MDGA2: variants seen among roughly 807,000 people sequenced by gnomAD.
The protein encoded by MDGA2 is MAM domain containing glycosylphosphatidylinositol anchor 2, also known as MAM domain-containing glycosylphosphatidylinositol anchor protein 2.
In MDGA2, 40 loss-of-function variants were observed where a neutral mutation model predicts 117.8. The observed-to-expected ratio is 0.34, with a 90% CI of 0.26 to 0.44. The LOEUF (loss-of-function observed/expected upper bound fraction) is 0.44. Among genes scored for constraint, MDGA2 ranks in the 20% least tolerant of loss-of-function variants. The probability of loss-of-function intolerance (pLI) is 1.00; values close to 1 mark genes in which losing one functional copy is unlikely to be tolerated. For missense variants in MDGA2, 1,123 were observed against 1,250.6 expected, an observed-to-expected ratio of 0.90 and a Z score of 1.54; for synonymous variants, 452 against 439.0, an observed-to-expected ratio of 1.03 and a Z score of -0.37.
At chr14:47,174,980 C>A (rs1397507509) in intron 3 of MDGA2, among the ~76,000 whole-genome samples, 1 of 151,996 alleles carries the variant, frequency 6.6e-6, no homozygotes, top group Non-Finnish European at 1.5e-5. Flanking sequence ...ACCACCAATC[C>A]CACAGAAATA....
At chr14:47,546,410 A>C (rs1895464160) in intron 1 of MDGA2, among the ~76,000 whole-genome samples, 1 of 152,188 alleles carries the variant, frequency 6.6e-6, no homozygotes, top group Admixed American at 6.5e-5. Flanking sequence ...AATGTGGACT[A>C]ATTTTGTGTA....
intron 14 of MDGA2, among the ~76,000 whole-genome samples, chr14:46,864,543 CTGTTTTTTTT>C (rs869298174): frequency 2.3e-4 from 4 of 17,210 alleles, no homozygotes; most frequent in African/African-American, 3.8e-4. Context: ...GCAGATATTG[CTGTTTTTTTT>C]TTTTTTTTTT....
At chr14:47,608,217 G>A (rs1272248223) in intron 1 of MDGA2, among the ~76,000 whole-genome samples, 1 of 152,068 alleles carries the variant, frequency 6.6e-6, no homozygotes, top group Non-Finnish European at 1.5e-5. Flanking sequence ...ACTGGCTTAG[G>A]AATAAGCACA....
Position 47,595,554 on chromosome 14 carries a change from A to C in MDGA2, c.280+78963T>G, listed in dbSNP as rs867150130. On this transcript the variant is annotated intron_variant, in intron 1 of 16. Coordinates refer to ENST00000399232, the MANE Select transcript of MDGA2 (RefSeq NM_001113498.3). ...TCTAAAAAAACCAAAAAACAAAAAA[A>C]AACAAAAAAAAAAAAAACCCAGCAA... is the stretch of plus-strand genomic sequence containing the variant. Among the ~76,000 whole-genome samples the C allele has an allele frequency of 8.6e-3, 1,137 of 132,908 alleles. 12 individuals are homozygous for C. The highest frequency in any genetic ancestry group is 0.012 in the Non-Finnish European group (759 of 62,396). The allele number at this position is 132,908 out of a possible 152,430, so 87.2% of individuals were successfully genotyped here.
intron 2 of MDGA2, among the ~76,000 whole-genome samples, chr14:47,279,297 A>G (rs1888401566): frequency 6.6e-6 from 1 of 151,984 alleles, no homozygotes; most frequent in Middle Eastern, 3.2e-3. Context: ...TCTATTTTCC[A>G]TTTTTATCAG....
At chr14:46,856,577 G>T (rs12890460) in intron 14 of MDGA2, among the ~76,000 whole-genome samples, 7,379 of 152,024 alleles carry the variant, frequency 0.049, 246 homozygotes, top group Non-Finnish European at 0.073. Context: ...TGTGTGTTTG[G>T]TGAGTTTCCC....
chr14:47,293,512 C>T (rs1381467064), intron 2 of MDGA2, among the ~76,000 whole-genome samples: 1 of 152,140 alleles, frequency 6.6e-6, no homozygotes, highest in Non-Finnish European at 1.5e-5. Context: ...ACTCCACCTA[C>T]TTTGTTGAGT....
chr14:47,644,755 A>G (rs1897493606), intron 1 of MDGA2, among the ~76,000 whole-genome samples: 1 of 152,160 alleles, frequency 6.6e-6, no homozygotes, highest in Admixed American at 6.5e-5. Flanking sequence ...GAGATGACGG[A>G]CATGCTAAAT....
intron 3 of MDGA2, among the ~76,000 whole-genome samples, chr14:47,196,653 A>T (rs1029865418): frequency 1.3e-5 from 2 of 152,172 alleles, no homozygotes; most frequent in Non-Finnish European, 2.9e-5. Context: ...TTCATGTATC[A>T]TCATTTACAA....
intron 8 of MDGA2, among the ~76,000 whole-genome samples, chr14:47,027,374 C>A (rs1404882534): frequency 5.3e-5 from 8 of 152,072 alleles, no homozygotes; most frequent in Non-Finnish European, 4.4e-5. Context: ...TTAATTTGTA[C>A]CTTTAATCAT....
Position 47,144,178 on chromosome 14 carries a change from T to C in MDGA2, c.692A>G (p.Asn231Ser). 6.4e-7 allele frequency: 1 copy of C among 1,551,450 alleles called. No individual in the cohort carries two copies. The highest frequency in any genetic ancestry group is 8.7e-7 in the Non-Finnish European group (1 of 1,146,834). ...ERTVFLRCVA[N>S]SNPPVRYSWR... The stretch of plus-strand genomic sequence containing the variant: ...GCTATACCGAACAGGAGGATTGGAA[T>C]TGGCAACACACCGGAGGAACACTGT... Residue 231 changes from asparagine to serine, a missense_variant, in exon 4 of 17, where the codon AAT (asparagine) becomes AGT (serine). By Grantham distance (46) the Asn-to-Ser change is conservative. Around this residue, in one of 2 missense-constraint regions of MDGA2, gnomAD observed 890 missense variants for 1,050.3 expected, o/e 0.85. Transcript: ENST00000399232.
chr14:47,625,163 T>A (rs1897118580), intron 1 of MDGA2, among the ~76,000 whole-genome samples: 1 of 152,170 alleles, frequency 6.6e-6, no homozygotes, highest in Non-Finnish European at 1.5e-5. Context: ...AGTATAGTTG[T>A]TTCTGTGACA....
At chr14:46,926,862 A>G (rs1294666037) in intron 9 of MDGA2, among the ~76,000 whole-genome samples, 1 of 152,182 alleles carries the variant, frequency 6.6e-6, no homozygotes, top group East Asian at 1.9e-4. Flanking sequence ...AATACTGCCT[A>G]TATAAAAAAA....
chr14:47,211,689 A>G (rs1885889369), intron 3 of MDGA2, among the ~76,000 whole-genome samples: 1 of 152,190 alleles, frequency 6.6e-6, no homozygotes, highest in Non-Finnish European at 1.5e-5. Context: ...CACTCTTGAA[A>G]AAAGGAGTTC....
intron 6 of MDGA2, among the ~76,000 whole-genome samples, chr14:47,063,682 A>G (rs1203812003): frequency 6.6e-6 from 1 of 151,978 alleles, no homozygotes; most frequent in African/African-American, 2.4e-5. Flanking sequence ...TTTGCTAAGA[A>G]TTTTCTTTAT....
chr14:47,295,931 AAGAT>A (rs34675658), intron 2 of MDGA2, among the ~76,000 whole-genome samples: 49,424 of 132,242 alleles, frequency 0.37, 8,293 homozygotes, highest in Admixed American at 0.48. Flanking sequence ...GATAGATGAT[AAGAT>A]AGATAGATAG....
chr14:47,480,826 G>C (rs1467006129), intron 1 of MDGA2, among the ~76,000 whole-genome samples: 1 of 151,694 alleles, frequency 6.6e-6, no homozygotes, highest in Non-Finnish European at 1.5e-5. Flanking sequence ...TTCTGTAATA[G>C]GACAACGTGC....
chr14:46,866,922 GA>G (rs1881790986), intron 14 of MDGA2, among the ~76,000 whole-genome samples: 3 of 152,100 alleles, frequency 2.0e-5, no homozygotes, highest in African/African-American at 7.2e-5. Context: ...GGAGAAATAG[GA>G]ACACTTTTAC....
intron 3 of MDGA2, among the ~76,000 whole-genome samples, chr14:47,150,785 ATGG>A (rs902141136): frequency 6.6e-6 from 1 of 151,970 alleles, no homozygotes; most frequent in Non-Finnish European, 1.5e-5. Flanking sequence ...TTAGCTGGAC[ATGG>A]TGGTGCATGC....
Sources: allele counts gnomAD v4.1 joint callset (sites outside exome capture counted in the v4.1 genomes callset), GRCh38; gene constraint gnomAD v4.1.1; regional missense constraint gnomAD v4.1.1; transcripts MANE v1.5; gene names NCBI Gene and HGNC (gene_info 2026-07-23, HGNC 2026-07-21).